Variants in SZT2 observed in about 807,000 individuals in gnomAD.
SZT2 encodes KICSTOR complex protein SZT2.
In SZT2, 216 loss-of-function variants were observed where a neutral mutation model predicts 404.2. The observed-to-expected ratio is 0.53, with a 90% confidence interval of 0.48 to 0.60. The LOEUF is 0.60. SZT2 is among the 20% of genes least tolerant of loss of function. The probability of loss-of-function intolerance (pLI) is 0.00; values close to 1 mark genes in which losing one functional copy is unlikely to be tolerated. For synonymous variants in SZT2, 1,693 were observed against 1,749.9 expected, an observed-to-expected ratio of 0.97 and a Z score of 0.81; for missense variants, 3,857 against 4,459.2, an observed-to-expected ratio of 0.86 and a Z score of 3.85.
intron 1 of SZT2, among the ~76,000 whole-genome samples, chr1:43,391,608 A>G (rs956210986): frequency 1.9e-4 from 29 of 152,318 alleles, no homozygotes; most frequent in Non-Finnish European, 3.5e-4. Flanking sequence ...ATATTAACAC[A>G]AGAAAAACTA....
rs774382599 is a variant in SZT2, at chr1:43,446,216, G to A, written c.8954G>A (p.Arg2985Gln). 23 of 1,614,200 alleles carry A rather than the reference G, an allele frequency of 1.4e-5. No homozygotes were observed. The highest frequency in any genetic ancestry group is 4.0e-5 in the African/African-American group (3 of 75,036). ...SSPVTTYHLQ[R>Q]ALPGGIILME... is the part of the protein sequence containing the mutation. ...CCGGTAACCACCTACCACCTGCAGC[G>A]GGCACTGCCTGGGGGCATCATCCTC... The change falls in exon 64 of 72, where the codon CGG becomes CAG. Residue 2985 changes from arginine to glutamine, a missense_variant. Arg to Gln is a conservative substitution (Grantham distance 43). This residue lies in a region of SZT2 where 717 missense variants were observed against 868.2 expected (regional missense o/e 0.83). Coordinates refer to ENST00000634258, the MANE Select transcript of SZT2 (RefSeq NM_001365999.1).
intron 28 of SZT2, 89 bp from the exon 29 acceptor site, chr1:43,429,614 G>A (rs534240858): frequency 5.8e-5 from 90 of 1,542,740 alleles, no homozygotes; most frequent in Non-Finnish European, 7.8e-5. Context: ...GGACAAAAAG[G>A]CTTCCTGTGC....
rs774024938 is a variant in SZT2 at position 43,416,567 on chromosome 1, G to T, written c.805G>T (p.Val269Leu). The change falls in exon 7 of 72, where the codon GTA becomes TTA. Residue 269 changes from valine (V) to leucine (L), a missense_variant. Transcript: ENST00000634258. ...IIVITDGVTS[V>L]PDVAVCETLL... ...CGTGATCACGGATGGGGTGACCAGT[G>T]TACCTGATGTTGCTGTCTGTGAGAC... 6 of 1,598,366 alleles carry T rather than the reference G, an allele frequency of 3.8e-6. No homozygotes were observed. Among genetic ancestry groups the T allele is most frequent in the Non-Finnish European group, 5.1e-6 (6 of 1,179,786 alleles).
At chr1:43,446,017 G>A (rs760969867) in intron 63 of SZT2, 33 bp downstream of exon 63, 4 of 1,609,096 alleles carry the variant, frequency 2.5e-6, no homozygotes, top group Non-Finnish European at 3.4e-6. Context: ...AGTTACTGAT[G>A]CTAAATTACT....
In SZT2 at chr1:43,443,183, C is replaced by T. The variant is rs1655266895; in HGVS notation, c.8420-5C>T. ...GGGGCTACTACTAATGCCCTCAACC[C>T]TCAGAGCTGGAGCGCCAGATGAAGA... On this transcript the variant is annotated splice_region_variant and splice_polypyrimidine_tract_variant and intron_variant, in intron 59 of 71. Transcript: ENST00000634258. 1 of 1,614,158 alleles carries T rather than the reference C, an allele frequency of 6.2e-7. No individual in the cohort carries two copies. Among genetic ancestry groups the T allele is most frequent in the Non-Finnish European group, 8.5e-7 (1 of 1,180,016 alleles).
intron 1 of SZT2, among the ~76,000 whole-genome samples, chr1:43,398,804 G>A (rs1449011205): frequency 6.6e-6 from 1 of 152,196 alleles, no homozygotes; most frequent in Admixed American, 6.5e-5. Context: ...GCAGTAGGTT[G>A]GGTGCGGTGG....
chr1:43,395,872 G>A (rs1648934546), intron 1 of SZT2, among the ~76,000 whole-genome samples: 1 of 152,210 alleles, frequency 6.6e-6, no homozygotes, highest in African/African-American at 2.4e-5. Flanking sequence ...ATGAGGACAT[G>A]ATGGCACCCT....
intron 41 of SZT2, 39 bp from the exon 42 acceptor site, chr1:43,435,161 A>T: frequency 1.9e-6 from 3 of 1,607,920 alleles, no homozygotes; most frequent in Non-Finnish European, 2.6e-6. Flanking sequence ...ACTTAGGAGG[A>T]GGTATTTCAG....
chr1:43,451,866 A>T lies in SZT2; in HGVS notation c.*1386A>T, dbSNP rs1656471599. The T allele has an allele frequency of 6.2e-7, 1 of 1,614,034 alleles. No homozygotes were observed. Among genetic ancestry groups the T allele is most frequent in the South Asian group, 1.1e-5 (1 of 91,074 alleles). On this transcript the variant is annotated 3_prime_UTR_variant, in exon 72 of 72. Coordinates refer to ENST00000634258, the MANE Select transcript of SZT2 (RefSeq NM_001365999.1). ...GCTGCCGCTGTAAGAGAAGCCAGGG[A>T]GGGGACCGTGAGCCTCAAGAGCACA... is the stretch of plus-strand genomic sequence containing the variant.
At chr1:43,428,599 A>G (rs1386165748) in intron 28 of SZT2, 113 bp downstream of exon 28, 1 of 1,431,896 alleles carries the variant, frequency 7.0e-7, no homozygotes, top group Non-Finnish European at 9.3e-7. Context: ...AGCACCTGAG[A>G]AGCAGTAGTG....
rs931674492 is a variant in SZT2 at position 43,420,477 on chromosome 1, T to G, written c.1261+154T>G. On this transcript the variant is annotated intron_variant, in intron 9 of 71. Coordinates refer to ENST00000634258, the MANE Select transcript of SZT2 (RefSeq NM_001365999.1). The surrounding 1 kb of genome is among the most constrained non-coding windows in gnomAD (Gnocchi z 5.1). ...AATTGTCATCAGGGCTTAATTCTCTTAGCATGGAGCTTCCCAATTCTATCT... is the reference window on the plus strand; with the variant it reads ...AATTGTCATCAGGGCTTAATTCTCTGAGCATGGAGCTTCCCAATTCTATCT... 6.6e-6 allele frequency among the ~76,000 whole-genome samples: 1 copy of G among 152,216 alleles called. No individual in the cohort carries two copies. Among genetic ancestry groups the G allele is most frequent in the African/African-American group, 2.4e-5 (1 of 41,470 alleles).
chr1:43,415,429 C>T (rs1175070849), intron 5 of SZT2, among the ~76,000 whole-genome samples: 1 of 152,152 alleles, frequency 6.6e-6, no homozygotes, highest in East Asian at 1.9e-4. Context: ...AATGTGAAAT[C>T]CATTTGTTTG....
chr1:43,439,095 T>C lies in SZT2; in HGVS notation c.6792+2T>C. On this transcript the variant is annotated splice_donor_variant, in intron 48 of 71. Transcript: ENST00000634258. LOFTEE classifies it high-confidence loss of function. The surrounding 1 kb of genome is among the most constrained non-coding windows in gnomAD (Gnocchi z 4.2). ...AGCAACAGCCGGAACCACTTCCAAGTGAGATGGCACTCATCTCTCTCCACA... is the reference window on the plus strand; with the variant it reads ...AGCAACAGCCGGAACCACTTCCAAGCGAGATGGCACTCATCTCTCTCCACA... 6.2e-7 allele frequency: 1 copy of C among 1,614,116 alleles called. No individual in the cohort carries two copies. Among genetic ancestry groups the C allele is most frequent in the Non-Finnish European group, 8.5e-7 (1 of 1,180,012 alleles).
Position 43,450,613 on chromosome 1 carries a change from G to A in SZT2, c.*133G>A. The A allele has an allele frequency of 2.2e-6, 3 of 1,353,374 alleles. No individual in the cohort carries two copies. Among genetic ancestry groups the A allele is most frequent in the Admixed American group, 4.2e-5 (2 of 47,936 alleles). 83.8% of individuals were successfully genotyped at this position (1,353,374 alleles called of 1,614,324 possible). ...GACACTGAGTGACACCAAAGGCTTT[G>A]TAACTATGTCTTGAGGGTCTGCTGC... On this transcript the variant is annotated 3_prime_UTR_variant, in exon 72 of 72. Transcript: ENST00000634258. This position sits in a 1 kb window ranked among gnomAD's most constrained non-coding sequence, Gnocchi z 4.3.
chr1:43,441,430 C>T lies in SZT2; in HGVS notation c.7511+50C>T. ...CTGGGAGGGTATGGGTGTGAAGTCA[C>T]AGATGGGCCTTGGTCTGTATAAACA... On this transcript the variant is annotated intron_variant, in intron 53 of 71. Transcript: ENST00000634258. The surrounding 1 kb of genome is among the most constrained non-coding windows in gnomAD (Gnocchi z 4.8). The T allele has an allele frequency of 6.2e-7, 1 of 1,610,194 alleles. No individual in the cohort carries two copies. Among genetic ancestry groups the T allele is most frequent in the Non-Finnish European group, 8.5e-7 (1 of 1,177,538 alleles).
chr1:43,391,119 A>G (rs1400647577), intron 1 of SZT2, among the ~76,000 whole-genome samples: 2 of 152,206 alleles, frequency 1.3e-5, no homozygotes, highest in African/African-American at 4.8e-5. Flanking sequence ...GTTCGAGACC[A>G]GCCTGACCAA....
rs1012010483 is a variant in SZT2, at chr1:43,431,508, G to A, written c.5073G>A (p.Glu1691=). 20 of 1,614,030 alleles carry A rather than the reference G, an allele frequency of 1.2e-5. No individual in the cohort carries two copies. The highest frequency in any genetic ancestry group is 1.7e-5 in the Non-Finnish European group (20 of 1,180,030). Residue 1691 remains glutamate, a synonymous_variant, in exon 35 of 72, where the codon GAG becomes GAA. Transcript: ENST00000634258. ...NLATPHRLAI[E]TTMNEIRWLL... Reference sequence around the variant, plus strand: ...CCACGCCCCACAGACTGGCTATTGAGACCACCATGAATGAGGTGAGCCCCC... The same window carrying A: ...CCACGCCCCACAGACTGGCTATTGAAACCACCATGAATGAGGTGAGCCCCC...
rs1193648134 is a variant in SZT2 at position 43,450,983 on chromosome 1, A to G, written c.*503A>G. Reference sequence around the variant, plus strand: ...TTTGAAGCACTTGTGGCCACCGTCAAGTCCCTTTGCTCTCGGACCCTGGGT... The same window carrying G: ...TTTGAAGCACTTGTGGCCACCGTCAGGTCCCTTTGCTCTCGGACCCTGGGT... On this transcript the variant is annotated 3_prime_UTR_variant, in exon 72 of 72. Coordinates refer to ENST00000634258, the MANE Select transcript of SZT2 (RefSeq NM_001365999.1). The surrounding 1 kb of genome is among the most constrained non-coding windows in gnomAD (Gnocchi z 4.3). 1.3e-6 allele frequency: 1 copy of G among 764,744 alleles called. No homozygotes were observed. The highest frequency in any genetic ancestry group is 2.4e-6 in the Non-Finnish European group (1 of 418,466). 47.4% of individuals were successfully genotyped at this position (764,744 alleles called of 1,614,324 possible).
intron 46 of SZT2, 141 bp from the exon 47 acceptor site, chr1:43,438,558 T>C: frequency 1.3e-6 from 1 of 755,616 alleles, no homozygotes; most frequent in Non-Finnish European, 2.2e-6. Context: ...TGGAACCTAG[T>C]GCTGGCTACC....
Sources: allele counts gnomAD v4.1 joint callset (sites outside exome capture counted in the v4.1 genomes callset), GRCh38; gene constraint gnomAD v4.1.1; regional missense constraint gnomAD v4.1.1; non-coding constraint Gnocchi (gnomAD v3.1); transcripts MANE v1.5; gene names NCBI Gene and HGNC (gene_info 2026-07-23, HGNC 2026-07-21).